DLGAP2: variants seen among roughly 807,000 people sequenced by gnomAD.
DLGAP2 encodes disks large-associated protein 2.
Under a neutral mutation model 100.3 loss-of-function variants are expected in DLGAP2, and 26 were observed. That is an observed-to-expected ratio of 0.26 (90% CI 0.19 to 0.36). DLGAP2 has a LOEUF of 0.36. DLGAP2 is among the 10% of genes least tolerant of loss of function. The pLI, the probability that DLGAP2 is intolerant of heterozygous loss-of-function variation, is 1.00. For synonymous variants in DLGAP2, 886 were observed against 630.1 expected, an observed-to-expected ratio of 1.41 and a Z score of -6.08; for missense variants, 1,858 against 1,453.2, an observed-to-expected ratio of 1.28 and a Z score of -4.53.
At chr8:886,636 G>A (rs140366542) in intron 1 of DLGAP2, among the ~76,000 whole-genome samples, 2,257 of 152,306 alleles carry the variant, frequency 0.015, 27 homozygotes, top group Non-Finnish European at 0.021. Flanking sequence ...TTACCCAGGA[G>A]TCATTCAGGA....
chr8:740,253 A>C (rs904337485), intron 1 of DLGAP2: 5 of 152,258 alleles, frequency 3.3e-5, no homozygotes, highest in African/African-American at 1.2e-4. Context: ...TCAGATAAGC[A>C]TTCTAAGTCA....
intron 2 of DLGAP2, among the ~76,000 whole-genome samples, chr8:1,001,493 A>G (rs1288691487): frequency 1.3e-5 from 2 of 152,234 alleles, no homozygotes; most frequent in Non-Finnish European, 2.9e-5. Flanking sequence ...ATGAGAGCAA[A>G]TGCTTTTGAT....
intron 3 of DLGAP2, among the ~76,000 whole-genome samples, chr8:1,472,804 A>G (rs1057468506): frequency 3.9e-5 from 6 of 152,244 alleles, no homozygotes; most frequent in African/African-American, 1.4e-4. Context: ...AATGCAAAAC[A>G]GAGTAACTGC....
chr8:1,490,376 G>C (rs1799345440), intron 3 of DLGAP2, among the ~76,000 whole-genome samples: 1 of 152,214 alleles, frequency 6.6e-6, no homozygotes, highest in Non-Finnish European at 1.5e-5. Context: ...CATCCATCAG[G>C]TGCAGAAAAT....
intron 2 of DLGAP2, among the ~76,000 whole-genome samples, chr8:1,044,375 G>C (rs1053146564): frequency 3.3e-5 from 5 of 152,232 alleles, no homozygotes; most frequent in African/African-American, 1.2e-4. Context: ...CCTGTACACA[G>C]AGCCTCCATC....
At chr8:1,529,707 A>G (rs565356185) in intron 4 of DLGAP2, among the ~76,000 whole-genome samples, 32 of 152,376 alleles carry the variant, frequency 2.1e-4, no homozygotes, top group African/African-American at 7.7e-4. Flanking sequence ...TACTCTTTGA[A>G]CAGACACTTA....
chr8:1,535,616 C>T (rs1000425796), intron 4 of DLGAP2, among the ~76,000 whole-genome samples: 4 of 152,216 alleles, frequency 2.6e-5, no homozygotes, highest in African/African-American at 7.2e-5. Context: ...CCAAAAATGG[C>T]AAATGTGGAG....
intron 3 of DLGAP2, among the ~76,000 whole-genome samples, chr8:1,344,614 G>T (rs1394717252): frequency 6.6e-6 from 1 of 152,168 alleles, no homozygotes; most frequent in East Asian, 1.9e-4. Flanking sequence ...TCTGTGTTCA[G>T]GAAAACCCGG....
At chr8:1,069,465 C>T (rs989620958) in intron 2 of DLGAP2, among the ~76,000 whole-genome samples, 1 of 152,138 alleles carries the variant, frequency 6.6e-6, no homozygotes, top group Non-Finnish European at 1.5e-5. Context: ...TAGAATGCTA[C>T]AAAAAGAAGG....
intron 2 of DLGAP2, among the ~76,000 whole-genome samples, chr8:1,172,643 A>C (rs1797153351): frequency 6.6e-6 from 1 of 151,768 alleles, no homozygotes. Context: ...TTCATCTTCC[A>C]TCGCTGATAC....
rs142803891 is a variant in DLGAP2 at position 1,483,378 on chromosome 8, G to A, written c.107-17988G>A. Among the ~76,000 whole-genome samples, 942 of 152,300 alleles carry A rather than the reference G, an allele frequency of 6.2e-3. 14 individuals carry two copies. The highest frequency in any genetic ancestry group is 0.021 in the African/African-American group (882 of 41,570). ...CGGTGTGTTTCCAGAGTCTCCAGGCGCCACGTGGAGATGAGCACACCTGCT... is the reference window on the plus strand; with the variant it reads ...CGGTGTGTTTCCAGAGTCTCCAGGCACCACGTGGAGATGAGCACACCTGCT... On this transcript the variant is annotated intron_variant, in intron 3 of 14. Coordinates refer to ENST00000637795, the MANE Select transcript of DLGAP2 (RefSeq NM_001346810.2).
At chr8:890,839 C>G (rs952635722) in intron 1 of DLGAP2, among the ~76,000 whole-genome samples, 14 of 152,150 alleles carry the variant, frequency 9.2e-5, no homozygotes, top group Non-Finnish European at 2.9e-5. Flanking sequence ...TTTCCCGACC[C>G]CCCTAAACTC....
intron 3 of DLGAP2, among the ~76,000 whole-genome samples, chr8:1,365,924 C>G (rs1802098327): frequency 6.6e-6 from 1 of 152,208 alleles, no homozygotes; most frequent in Non-Finnish European, 1.5e-5. Flanking sequence ...TGGCAGAAGC[C>G]ACATGCCTGT....
chr8:1,417,685 G>GC lies in DLGAP2; in HGVS notation c.107-83680dup, dbSNP rs1240750463. On this transcript the variant is annotated intron_variant, in intron 3 of 14. Coordinates refer to ENST00000637795, the MANE Select transcript of DLGAP2 (RefSeq NM_001346810.2). ...CCTCACTCCGCGAGGCTCCAGGGGG[G>GC]CACAGGGGGCCCCACTCCTGCCTCA... is the stretch of plus-strand genomic sequence containing the variant. 9.4e-3 allele frequency among the ~76,000 whole-genome samples: 686 copies of GC among 72,838 alleles called. 58 individuals carry two copies. The highest frequency in any genetic ancestry group is 0.015 in the Non-Finnish European group (436 of 29,128). The allele number at this position is 72,838 out of a possible 152,430, so 47.8% of individuals were successfully genotyped here.
At chr8:1,421,526 A>G (rs1260164037) in intron 3 of DLGAP2, among the ~76,000 whole-genome samples, 2 of 152,216 alleles carry the variant, frequency 1.3e-5, no homozygotes, top group East Asian at 1.9e-4. Flanking sequence ...ACAGTATTCC[A>G]TGGGGTGGGG....
At position 1,326,013 on chromosome 8, in the gene DLGAP2, C is replaced by G. The variant is rs2117048194; in HGVS notation, c.106+67130C>G. Among the ~76,000 whole-genome samples, 2 of 152,218 alleles carry G rather than the reference C, an allele frequency of 1.3e-5. 1 individual carries two copies. The highest frequency in any genetic ancestry group is 6.8e-3 in the Middle Eastern group (2 of 294). ...CGGGTTAGCCATCTGGTTTTCAGGACCCAGTGTAGAATGAAAAGATGGGCC... is the reference window on the plus strand; with the variant it reads ...CGGGTTAGCCATCTGGTTTTCAGGAGCCAGTGTAGAATGAAAAGATGGGCC... On this transcript the variant is annotated intron_variant, in intron 3 of 14. Coordinates refer to ENST00000637795, the MANE Select transcript of DLGAP2 (RefSeq NM_001346810.2).
At chr8:961,250 C>G (rs543413247) in intron 2 of DLGAP2, among the ~76,000 whole-genome samples, 30 of 152,302 alleles carry the variant, frequency 2.0e-4, no homozygotes, top group African/African-American at 7.2e-4. Context: ...TGTAAAGTTC[C>G]TGATGTCTTA....
intron 2 of DLGAP2, among the ~76,000 whole-genome samples, chr8:1,201,042 T>C (rs1350510887): frequency 6.6e-6 from 1 of 152,090 alleles, no homozygotes; most frequent in East Asian, 1.9e-4. Flanking sequence ...GAGGTGAGTG[T>C]GGCGTGAGCG....
chr8:1,012,665 C>T (rs1284835492), intron 2 of DLGAP2, among the ~76,000 whole-genome samples: 23 of 127,924 alleles, frequency 1.8e-4, no homozygotes, highest in African/African-American at 5.7e-4. Flanking sequence ...CCCACTTCAG[C>T]GGCAGTGTGG....
Sources: allele counts gnomAD v4.1 joint callset (sites outside exome capture counted in the v4.1 genomes callset), GRCh38; gene constraint gnomAD v4.1.1; transcripts MANE v1.5; gene names NCBI Gene and HGNC (gene_info 2026-07-23, HGNC 2026-07-21).